The following ZNF480 variants were observed in gnomAD, a reference collection of about 807,000 sequenced individuals.
ZNF480 encodes the protein zinc finger protein 480.
Under a neutral mutation model 14.4 loss-of-function variants are expected in ZNF480, and 15 were observed. The ratio of observed to expected loss-of-function variants is 1.04; its 90% CI spans 0.70 to 1.60. The LOEUF is 1.60. Among genes scored for constraint, ZNF480 ranks in the 40% most tolerant of loss-of-function variants. The pLI is 0.00. For missense variants in ZNF480, 593 were observed against 629.7 expected, an observed-to-expected ratio of 0.94 and a Z score of 0.62; for synonymous variants, 218 against 215.5, an observed-to-expected ratio of 1.01 and a Z score of -0.10.
At chr19:52,313,846 G>T (rs1175675046) in intron 2 of ZNF480, 1 of 429,004 alleles carries the variant, frequency 2.3e-6, no homozygotes, top group Admixed American at 2.6e-5. Flanking sequence ...AGGTGTGATG[G>T]TGTGCACCTG....
chr19:52,319,426 A>T (rs1983703114), intron 4 of ZNF480, among the ~76,000 whole-genome samples: 1 of 152,148 alleles, frequency 6.6e-6, no homozygotes, highest in Non-Finnish European at 1.5e-5. Flanking sequence ...TGGCAGGCAA[A>T]GTTTCCGCTG....
chr19:52,300,610 C>T (rs1982643912), intron 2 of ZNF480, 126 bp downstream of exon 2: 9 of 1,521,624 alleles, frequency 5.9e-6, no homozygotes, highest in Non-Finnish European at 8.0e-6. Context: ...TTACCTATGC[C>T]TTCCCTCAGT....
intron 4 of ZNF480, among the ~76,000 whole-genome samples, chr19:52,318,240 G>A (rs1983649558): frequency 6.6e-6 from 1 of 151,866 alleles, no homozygotes; most frequent in Admixed American, 6.6e-5. Context: ...CCAAGTAGTT[G>A]GGATTACAGG....
In ZNF480 at chr19:52,322,332, A is replaced by G; in HGVS notation, c.1082A>G (p.His361Arg). The change falls in exon 5 of 5, where the codon CAT becomes CGT. Residue 361 changes from histidine (H) to arginine (R), a missense_variant. Transcript: ENST00000595962. ...AFYRIALLVRHQKIHTGEKPY... is the reference protein window; with the variant it reads ...AFYRIALLVRRQKIHTGEKPY... ...TATAGGATTGCGCTCCTTGTACGAC[A>G]TCAGAAAATTCATACTGGAGAGAAA... 1 of 1,614,040 alleles carries G rather than the reference A, an allele frequency of 6.2e-7. No homozygotes were observed. The highest frequency in any genetic ancestry group is 8.5e-7 in the Non-Finnish European group (1 of 1,179,996).
Position 52,324,090 on chromosome 19 carries a change from C to G in ZNF480, c.*1232C>G, listed in dbSNP as rs1385696941. The G allele has an allele frequency of 6.6e-6, 1 of 152,072 alleles. No individual in the cohort carries two copies. The highest frequency in any genetic ancestry group is 2.4e-5 in the African/African-American group (1 of 41,422). The allele number at this position is 152,072 out of a possible 1,614,324, so 9.4% of individuals were successfully genotyped here. A position where few individuals can be genotyped will look rare whatever the true frequency, so the allele number is the denominator to read the frequency against. On this transcript the variant is annotated 3_prime_UTR_variant, in exon 5 of 5. Coordinates refer to ENST00000595962, the MANE Select transcript of ZNF480 (RefSeq NM_144684.4). ...GGCTCCTAGATCTGATAAACAACTT[C>G]AAAAAAGTTTCAGGATACAAAATCT...
chr19:52,297,813 C>T lies in ZNF480; in HGVS notation c.-20+590C>T, dbSNP rs1982483700. On this transcript the variant is annotated intron_variant, in intron 1 of 4. Transcript: ENST00000595962. ...AGTGTTCTTGCGGGCCAAATAACACCCCACTGAAAAGGTGTTCTGCTTGTG... is the reference window on the plus strand; with the variant it reads ...AGTGTTCTTGCGGGCCAAATAACACTCCACTGAAAAGGTGTTCTGCTTGTG... The T allele has an allele frequency of 2.0e-5, 3 of 152,438 alleles. No individual in the cohort carries two copies. The South Asian group carries it at 6.0e-4, about 31-fold the overall frequency. 9.4% of individuals were successfully genotyped at this position (152,438 alleles called of 1,614,324 possible). A position where few individuals can be genotyped will look rare whatever the true frequency, so the allele number is the denominator to read the frequency against.
intron 4 of ZNF480, 149 bp downstream of exon 4, chr19:52,316,111 A>G: frequency 1.5e-6 from 1 of 658,264 alleles, no homozygotes; most frequent in Non-Finnish European, 2.3e-6. Flanking sequence ...AGAGCCTGAG[A>G]GACAGAGCGA....
intron 2 of ZNF480, chr19:52,313,889 G>A: frequency 1.0e-5 from 4 of 388,636 alleles, no homozygotes; most frequent in Middle Eastern, 8.7e-4. Context: ...TGAGGCACAA[G>A]AATTGATTGA....
At chr19:52,306,732 T>A (rs1982949366) in intron 2 of ZNF480, among the ~76,000 whole-genome samples, 1 of 152,218 alleles carries the variant, frequency 6.6e-6, no homozygotes, top group Non-Finnish European at 1.5e-5. Flanking sequence ...CATATTCCCC[T>A]GTTGATCAGG....
At chr19:52,306,920 C>G (rs1458927878) in intron 2 of ZNF480, among the ~76,000 whole-genome samples, 4 of 152,174 alleles carry the variant, frequency 2.6e-5, no homozygotes, top group African/African-American at 9.7e-5. Flanking sequence ...GGTGAGGCCA[C>G]TCTTTTTCTT....
chr19:52,316,887 C>G (rs902452253), intron 4 of ZNF480, among the ~76,000 whole-genome samples: 1 of 152,132 alleles, frequency 6.6e-6, no homozygotes, highest in Non-Finnish European at 1.5e-5. Flanking sequence ...TTTGTATATT[C>G]TTTTAGGACT....
rs1984045413 is a variant in ZNF480, at chr19:52,325,314, C to T, written c.*2456C>T. ...CTGCAGAGAAAAGCAAATACTTATACACTGCTGGTGGGAATGTAAATTAAT... is the reference window on the plus strand; with the variant it reads ...CTGCAGAGAAAAGCAAATACTTATATACTGCTGGTGGGAATGTAAATTAAT... On this transcript the variant is annotated 3_prime_UTR_variant, in exon 5 of 5. Transcript: ENST00000595962. The T allele has an allele frequency of 7.8e-6, 1 of 127,758 alleles. No individual in the cohort carries two copies. The highest frequency in any genetic ancestry group is 1.8e-5 in the Non-Finnish European group (1 of 55,628). 7.9% of individuals were successfully genotyped at this position (127,758 alleles called of 1,614,324 possible).
chr19:52,304,369 A>G (rs188190572), intron 2 of ZNF480, among the ~76,000 whole-genome samples: 10 of 152,306 alleles, frequency 6.6e-5, no homozygotes, highest in Admixed American at 3.3e-4. Context: ...AAGATCTGTC[A>G]ACATGCTCCA....
intron 2 of ZNF480, among the ~76,000 whole-genome samples, chr19:52,311,363 A>G (rs568352267): frequency 2.0e-5 from 3 of 152,186 alleles, no homozygotes; most frequent in South Asian, 4.1e-4. Context: ...ATATCAATAA[A>G]GATGGGATCT....
chr19:52,324,820 A>G lies in ZNF480; in HGVS notation c.*1962A>G, dbSNP rs963445431. On this transcript the variant is annotated 3_prime_UTR_variant, in exon 5 of 5. Transcript: ENST00000595962. ...AGACTTAAATATAAAACCTAAAAGTATTAAATTCCTAGAAGAAAACCCAGG... is the reference window on the plus strand; with the variant it reads ...AGACTTAAATATAAAACCTAAAAGTGTTAAATTCCTAGAAGAAAACCCAGG... 1 of 152,212 alleles carries G rather than the reference A, an allele frequency of 6.6e-6. No individual in the cohort carries two copies. The highest frequency in any genetic ancestry group is 1.5e-5 in the Non-Finnish European group (1 of 68,036). 9.4% of individuals were successfully genotyped at this position (152,212 alleles called of 1,614,324 possible).
chr19:52,319,912 G>T (rs1258324813), intron 4 of ZNF480, among the ~76,000 whole-genome samples: 1 of 149,680 alleles, frequency 6.7e-6, no homozygotes. Flanking sequence ...CTGCCTCCCA[G>T]GTTCAAGCGA....
chr19:52,322,216 A>C lies in ZNF480; in HGVS notation c.966A>C (p.Lys322Asn). 6.2e-7 allele frequency: 1 copy of C among 1,614,024 alleles called. No individual in the cohort carries two copies. The highest frequency in any genetic ancestry group is 8.5e-7 in the Non-Finnish European group (1 of 1,179,998). ...CTTACAAATGTAATGAATGTGGTAAAGGCTTCAGTCATAAGTCATCTCTAG... is the reference window on the plus strand; with the variant it reads ...CTTACAAATGTAATGAATGTGGTAACGGCTTCAGTCATAAGTCATCTCTAG... The part of the protein sequence containing the change: ...EKPYKCNECG[K>N]GFSHKSSLAN... The change falls in exon 5 of 5, where the codon AAA (lysine) becomes AAC (asparagine). Residue 322 changes from lysine to asparagine, a missense_variant. By Grantham distance (94) the Lys-to-Asn change is moderately conservative. Transcript: ENST00000595962.
At chr19:52,313,509 G>A (rs1404004252) in intron 2 of ZNF480, among the ~76,000 whole-genome samples, 2 of 151,964 alleles carry the variant, frequency 1.3e-5, no homozygotes, top group African/African-American at 4.8e-5. Flanking sequence ...TCTTGTAGTG[G>A]TGGTGATATT....
intron 2 of ZNF480, among the ~76,000 whole-genome samples, chr19:52,310,873 C>T (rs938648484): frequency 2.0e-5 from 3 of 151,106 alleles, no homozygotes; most frequent in African/African-American, 7.3e-5. Context: ...GGCATGGTGG[C>T]GGGCACCTGT....
Sources: gnomAD v4.1 joint callset for allele counts (sites outside exome capture counted in the v4.1 genomes callset) on GRCh38, gnomAD v4.1.1 for gene constraint, MANE v1.5 for transcripts, NCBI Gene and HGNC (gene_info 2026-07-23, HGNC 2026-07-21) for gene names.